PUDP: variants seen among roughly 807,000 people sequenced by gnomAD.
The protein encoded by PUDP is pseudouridine 5'-phosphatase.
Under a neutral mutation model 9.4 loss-of-function variants are expected in PUDP, and 8 were observed. The ratio of observed to expected loss-of-function variants is 0.85; its 90% CI spans 0.50 to 1.53. The LOEUF is 1.53. Among genes scored for constraint, PUDP ranks in the 40% most tolerant of loss-of-function variants. The pLI is 0.00. For missense variants in PUDP, 188 were observed against 189.7 expected (o/e 0.99, Z 0.05); for synonymous variants, 99 against 80.7 (o/e 1.23, Z -1.22).
rs917663728 is a variant in PUDP, at chrX:6,979,608, G to A, written c.205-1265C>T. 6.3e-5 allele frequency among the ~76,000 whole-genome samples: 7 copies of A among 111,764 alleles called. No homozygotes were observed. In the East Asian group the frequency reaches 1.7e-3, roughly 27 times the overall value. Reference sequence around the variant, plus strand: ...ATCATTTTATTGGAAAATGAAACAGGGCACCTAGTTCCTGCTAAGCCTTTT... The same window carrying A: ...ATCATTTTATTGGAAAATGAAACAGAGCACCTAGTTCCTGCTAAGCCTTTT... On this transcript the variant is annotated intron_variant and NMD_transcript_variant, in intron 1 of 3. Transcript: ENST00000655425.
At chrX:6,944,825 G>A (rs986114806) in intron 3 of PUDP, among the ~76,000 whole-genome samples, 5 of 111,070 alleles carry the variant, frequency 4.5e-5, no homozygotes, top group Non-Finnish European at 9.4e-5. Flanking sequence ...TCTTCCTGAG[G>A]GGCCTAGAGG....
At chrX:6,962,990 C>T (rs1407981679) in intron 3 of PUDP, among the ~76,000 whole-genome samples, 3 of 112,917 alleles carry the variant, frequency 2.7e-5, no homozygotes, top group East Asian at 2.8e-4. Context: ...TGTCTTAGCA[C>T]AGGCTAAGTT....
chrX:6,757,959 T>A (rs1422525444), intron 3 of PUDP, among the ~76,000 whole-genome samples: 1 of 112,172 alleles, frequency 8.9e-6, no homozygotes, highest in African/African-American at 3.2e-5. Context: ...TGACACGAGA[T>A]GCTGTCAATT....
chrX:6,746,554 T>C (rs1375261063), intron 3 of PUDP, among the ~76,000 whole-genome samples: 1 of 110,705 alleles, frequency 9.0e-6, no homozygotes, highest in Non-Finnish European at 1.9e-5. Flanking sequence ...GTTTCCTAAT[T>C]CTCTCTCTCC....
At chrX:6,926,479 C>T (rs1211427912) in intron 3 of PUDP, among the ~76,000 whole-genome samples, 3 of 112,143 alleles carry the variant, frequency 2.7e-5, no homozygotes, top group Admixed American at 9.5e-5. Flanking sequence ...TCTTGGAAGG[C>T]GCTGTTCTCC....
At chrX:7,147,145 C>T in intron 1 of PUDP, among the ~76,000 whole-genome samples, 1 of 111,039 alleles carries the variant, frequency 9.0e-6, no homozygotes, top group Non-Finnish European at 1.9e-5. Flanking sequence ...CCTTAGTACA[C>T]TGCCAAGGGT....
intron 1 of PUDP, among the ~76,000 whole-genome samples, chrX:6,720,258 G>GTATATATATATATA (rs543397118): frequency 2.2e-3 from 108 of 48,773 alleles, no homozygotes; most frequent in African/African-American, 3.3e-3. Context: ...GTGTGTGTGT[G>GTATATATATATATA]TATATATATA....
At chrX:6,927,696 C>T (rs1928126356) in intron 3 of PUDP, among the ~76,000 whole-genome samples, 1 of 111,525 alleles carries the variant, frequency 9.0e-6, no homozygotes, top group Admixed American at 9.5e-5. Flanking sequence ...ATTAATTTAA[C>T]GCATATACAC....
rs139704887 is a variant in PUDP, at chrX:7,062,656, G to A, written c.511-12184C>T. On this transcript the variant is annotated intron_variant, in intron 3 of 3. Coordinates refer to ENST00000381077, the MANE Select transcript of PUDP (RefSeq NM_012080.5). ...CCAGAAGTAATGAGTGAGGTAGGGA[G>A]CAAGGGGTCAGGCTGAGAGGTCTGT... Among the ~76,000 whole-genome samples, 662 of 109,921 alleles carry A rather than the reference G, an allele frequency of 6.0e-3. 1 individual carries two copies. The highest frequency in any genetic ancestry group is 0.021 in the African/African-American group (624 of 30,196).
At chrX:6,752,497 G>C (rs1031078614) in intron 3 of PUDP, among the ~76,000 whole-genome samples, 3 of 111,708 alleles carry the variant, frequency 2.7e-5, no homozygotes, top group African/African-American at 9.8e-5. Context: ...TCAGAGTGGA[G>C]GATTTATTAA....
chrX:6,902,082 C>G (rs1204407742), intron 3 of PUDP, among the ~76,000 whole-genome samples: 1 of 110,881 alleles, frequency 9.0e-6, no homozygotes, highest in Non-Finnish European at 1.9e-5. Flanking sequence ...GCGGGGGTCT[C>G]ACTGTATTGC....
intron 3 of PUDP, among the ~76,000 whole-genome samples, chrX:6,944,975 G>A (rs1272489175): frequency 2.7e-5 from 3 of 111,593 alleles, no homozygotes; most frequent in Non-Finnish European, 5.6e-5. Context: ...CCCTGAAATC[G>A]AGATGTCTCA....
intron 3 of PUDP, among the ~76,000 whole-genome samples, chrX:6,877,370 T>C (rs1347659965): frequency 9.0e-6 from 1 of 111,730 alleles, no homozygotes; most frequent in Non-Finnish European, 1.9e-5. Context: ...TTTAAAGAAA[T>C]AGAAAGGCTA....
chrX:6,906,740 AACAG>A (rs1466385110), intron 3 of PUDP, among the ~76,000 whole-genome samples: 2 of 111,737 alleles, frequency 1.8e-5, no homozygotes, highest in African/African-American at 6.5e-5. Context: ...AACAAAACAA[AACAG>A]ACAGCCTGTT....
chrX:6,892,604 G>A (rs1325949519), intron 3 of PUDP, among the ~76,000 whole-genome samples: 2 of 111,141 alleles, frequency 1.8e-5, no homozygotes, highest in Admixed American at 9.6e-5. Flanking sequence ...CAACACATGC[G>A]AATTGTGGGA....
intron 1 of PUDP, among the ~76,000 whole-genome samples, chrX:7,123,039 G>GAAAGA (rs1932386713): frequency 9.0e-6 from 1 of 111,543 alleles, no homozygotes; most frequent in Non-Finnish European, 1.9e-5. Context: ...TTAAAAAAAC[G>GAAAGA]TCTCTGGTGT....
At chrX:7,102,419 A>AG (rs1489555514) in intron 2 of PUDP, among the ~76,000 whole-genome samples, 1 of 110,333 alleles carries the variant, frequency 9.1e-6, no homozygotes, top group Admixed American at 9.7e-5. Flanking sequence ...AATTAAGGAT[A>AG]GAAAAAAAAA....
intron 3 of PUDP, among the ~76,000 whole-genome samples, chrX:6,852,896 T>G (rs1174844876): frequency 2.7e-5 from 3 of 111,040 alleles, no homozygotes; most frequent in Non-Finnish European, 5.7e-5. Flanking sequence ...AAGAAAGCTC[T>G]CTGCTGCAGA....
At chrX:6,720,319 G>A (rs1924658094) in intron 1 of PUDP, among the ~76,000 whole-genome samples, 1 of 87,034 alleles carries the variant, frequency 1.1e-5, no homozygotes, top group Non-Finnish European at 2.2e-5. Flanking sequence ...AATAGTATTT[G>A]GCCATTAATC....
Sources: gnomAD v4.1 joint callset for allele counts (sites outside exome capture counted in the v4.1 genomes callset) on GRCh38, gnomAD v4.1.1 for gene constraint, MANE v1.5 for transcripts, NCBI Gene and HGNC (gene_info 2026-07-23, HGNC 2026-07-21) for gene names.